Variants in SEPTIN2 observed in about 807,000 individuals in gnomAD.
SEPTIN2 encodes septin 2, also known as septin-2.
Under a neutral mutation model 46.5 loss-of-function variants are expected in SEPTIN2, and 34 were observed. The observed-to-expected ratio is 0.73, with a 90% CI of 0.56 to 0.97. The LOEUF is 0.97. SEPTIN2 is among the 50% of genes least tolerant of loss of function. The pLI, the probability that SEPTIN2 is intolerant of heterozygous loss-of-function variation, is 0.00. For missense variants in SEPTIN2, 347 were observed against 448.4 expected (o/e 0.77, Z 2.04); for synonymous variants, 175 against 153.4 (o/e 1.14, Z -1.04).
intron 4 of SEPTIN2, 130 bp downstream of exon 4, chr2:241,335,342 C>G (rs766947518): frequency 1.5e-5 from 23 of 1,553,042 alleles, no homozygotes; most frequent in Non-Finnish European, 1.9e-5. Context: ...AAGGAAAACA[C>G]TTTTATGGGG....
intron 5 of SEPTIN2, 69 bp from the exon 6 acceptor site, chr2:241,337,313 T>G (rs1279443600): frequency 7.2e-7 from 1 of 1,386,766 alleles, no homozygotes; most frequent in Non-Finnish European, 9.8e-7. Flanking sequence ...GGCACTTGTT[T>G]TCCCTTTGAA....
At chr2:241,347,627 T>C (rs1158497447) in intron 10 of SEPTIN2, among the ~76,000 whole-genome samples, 1 of 152,226 alleles carries the variant, frequency 6.6e-6, no homozygotes, top group Non-Finnish European at 1.5e-5. Flanking sequence ...GTGTTGTCGC[T>C]CAAGCTTAGA....
intron 7 of SEPTIN2, 79 bp downstream of exon 7, chr2:241,337,869 G>GCTCAGTCTGCTCAGGTGT: frequency 1.1e-6 from 1 of 935,012 alleles, no homozygotes. Flanking sequence ...GTGTTCCCAC[G>GCTCAGTCTGCTCAGGTGT]CTCAGTCTGC....
intron 2 of SEPTIN2, 121 bp downstream of exon 2, chr2:241,324,362 AAC>A (rs1189235323): frequency 1.2e-6 from 1 of 801,978 alleles, no homozygotes; most frequent in Non-Finnish European, 2.1e-6. Context: ...TTGATTCATT[AAC>A]ACAAAGAGTT....
intron 7 of SEPTIN2, 80 bp downstream of exon 7, chr2:241,337,870 C>T (rs1205751232): frequency 2.1e-6 from 2 of 941,682 alleles, no homozygotes; most frequent in African/African-American, 1.6e-5. Context: ...TGTTCCCACG[C>T]TCAGTCTGCT....
chr2:241,342,240 TTTTC>T (rs1174957281), intron 7 of SEPTIN2, among the ~76,000 whole-genome samples: 3 of 152,248 alleles, frequency 2.0e-5, no homozygotes, highest in South Asian at 2.1e-4. Flanking sequence ...TTTTGTTTTT[TTTTC>T]TTTCTTTCTT....
chr2:241,342,685 A>G (rs1453361651), intron 7 of SEPTIN2, among the ~76,000 whole-genome samples: 1 of 151,658 alleles, frequency 6.6e-6, no homozygotes, highest in Non-Finnish European at 1.5e-5. Context: ...ACAGGCGTCC[A>G]CTGCCACGCT....
At chr2:241,334,391 C>A (rs1015057238) in intron 3 of SEPTIN2, among the ~76,000 whole-genome samples, 8 of 152,160 alleles carry the variant, frequency 5.3e-5, no homozygotes, top group Non-Finnish European at 1.2e-4. Context: ...TATTTTGCAT[C>A]TTTTTTGAAG....
intron 3 of SEPTIN2, among the ~76,000 whole-genome samples, chr2:241,330,582 T>C (rs2078835134): frequency 6.6e-6 from 1 of 152,216 alleles, no homozygotes; most frequent in Non-Finnish European, 1.5e-5. Context: ...CCAAGTGGTT[T>C]GATTCTGTTG....
chr2:241,330,069 A>G (rs2078737254), intron 3 of SEPTIN2, among the ~76,000 whole-genome samples: 1 of 152,196 alleles, frequency 6.6e-6, no homozygotes, highest in Non-Finnish European at 1.5e-5. Flanking sequence ...ACGGGGAGTA[A>G]AGCCTTTAAA....
chr2:241,332,807 G>T (rs1412947588), intron 3 of SEPTIN2, among the ~76,000 whole-genome samples: 1 of 152,180 alleles, frequency 6.6e-6, no homozygotes, highest in Non-Finnish European at 1.5e-5. Context: ...CGAACTACTC[G>T]TAGATGCAAC....
At position 241,346,154 on chromosome 2, in the gene SEPTIN2, C is replaced by T; in HGVS notation, c.843-12C>T. On this transcript the variant is annotated splice_polypyrimidine_tract_variant and intron_variant, in intron 9 of 12. Coordinates refer to ENST00000391971, the MANE Select transcript of SEPTIN2 (RefSeq NM_004404.5). ...CATGATGCCACCTTGGTGCATTCCT[C>T]TTCTCTTTCAGCACCCACATGCAGG... The T allele has an allele frequency of 6.2e-7, 1 of 1,610,706 alleles. No homozygotes were observed. The highest frequency in any genetic ancestry group is 8.5e-7 in the Non-Finnish European group (1 of 1,177,158).
rs1575386200 is a variant in SEPTIN2, at chr2:241,346,522, G to A, written c.926+273G>A. 2.6e-5 allele frequency: 5 copies of A among 194,378 alleles called. No homozygotes were observed. In the East Asian group the frequency reaches 4.9e-4, roughly 19 times the overall value. The allele number at this position is 194,378 out of a possible 1,614,324, so 12.0% of individuals were successfully genotyped here. The stretch of plus-strand genomic sequence containing the variant: ...CAGCACCTTGGGAGACCAAGGCAAG[G>A]TAGATTGCCTGAGCGCAGGAGTTTT... On this transcript the variant is annotated intron_variant, in intron 10 of 12. Transcript: ENST00000391971.
chr2:241,320,119 G>A (rs2076931932), intron 1 of SEPTIN2: 1 of 422,728 alleles, frequency 2.4e-6, no homozygotes. Context: ...TCATTCCTTT[G>A]TTCCTTTCTT....
chr2:241,350,589 G>A lies in SEPTIN2; in HGVS notation c.*29+386G>A, dbSNP rs535217340. 1.1e-4 allele frequency among the ~76,000 whole-genome samples: 16 copies of A among 152,176 alleles called. 1 individual carries two copies. The highest frequency in any genetic ancestry group is 2.6e-4 in the Admixed American group (4 of 15,274). On this transcript the variant is annotated intron_variant, in intron 12 of 12. Coordinates refer to ENST00000391971, the MANE Select transcript of SEPTIN2 (RefSeq NM_004404.5). ...ACATCTCTTTAAAGGGAATAAAAAC[G>A]TGTTATTAAAACAGCTTGTACAGAT...
At chr2:241,336,324 A>G (rs1026898956) in intron 5 of SEPTIN2, 12 of 524,446 alleles carry the variant, frequency 2.3e-5, no homozygotes, top group African/African-American at 1.1e-4. Context: ...CCAGTCATCC[A>G]TAGACTGCTA....
intron 2 of SEPTIN2, 170 bp downstream of exon 2, chr2:241,324,411 G>C: frequency 1.8e-6 from 1 of 568,440 alleles, no homozygotes; most frequent in Non-Finnish European, 3.1e-6. Context: ...TTTTTGAGAC[G>C]GGAGTCTTGT....
chr2:241,351,837 G>A (rs1009215059), intron 12 of SEPTIN2, 130 bp from the exon 13 acceptor site: 3 of 152,064 alleles, frequency 2.0e-5, no homozygotes, highest in Non-Finnish European at 1.5e-5. Flanking sequence ...AGTTAACTTT[G>A]TGGTCATGTA....
At chr2:241,344,041 TG>T (rs1180897549) in intron 9 of SEPTIN2, 144 bp downstream of exon 9, 2 of 1,032,694 alleles carry the variant, frequency 1.9e-6, no homozygotes, top group East Asian at 2.5e-5. Context: ...AGAAGTGGTG[TG>T]GGGCTGTTGC....
Sources: gnomAD v4.1 joint callset for allele counts (sites outside exome capture counted in the v4.1 genomes callset) on GRCh38, gnomAD v4.1.1 for gene constraint, MANE v1.5 for transcripts, NCBI Gene and HGNC (gene_info 2026-07-23, HGNC 2026-07-21) for gene names.